The following TIGD3 variants were observed in gnomAD, a reference collection of about 807,000 sequenced individuals.
The protein encoded by TIGD3 is tigger transposable element-derived protein 3.
Under a neutral mutation model 14.8 loss-of-function variants are expected in TIGD3, and 7 were observed. That is an observed-to-expected ratio of 0.47 (90% confidence interval 0.27 to 0.89). The LOEUF is 0.89. Among genes scored for constraint, TIGD3 ranks in the 40% least tolerant of loss-of-function variants. TIGD3 has a pLI of 0.13. For missense variants in TIGD3, 581 were observed against 611.0 expected, an observed-to-expected ratio of 0.95 and a Z score of 0.52; for synonymous variants, 243 against 269.4, an observed-to-expected ratio of 0.90 and a Z score of 0.96.
At position 65,356,679 on chromosome 11, in the gene TIGD3, A is replaced by G. The variant is rs1854859756; in HGVS notation, c.871A>G (p.Ser291Gly). 6.2e-7 allele frequency: 1 copy of G among 1,613,314 alleles called. No individual in the cohort carries two copies. ...HVKLLPLAAS[S>G]TTPPLPSSVV... is the part of the protein sequence containing the mutation. ...GAAGCTCTTGCCTCTGGCCGCCTCT[A>G]GCACCACGCCTCCCCTGCCCAGCTC... Residue 291 changes from serine to glycine, a missense_variant, in exon 2 of 2, where the codon AGC becomes GGC. By Grantham distance (56) the Ser-to-Gly change is moderately conservative (BLOSUM62 0). Transcript: ENST00000309880. This position sits in a 1 kb window ranked among gnomAD's most constrained non-coding sequence, Gnocchi z 5.2.
At chr11:65,355,687 G>C (rs1164700880) in intron 1 of TIGD3, 106 bp from the exon 2 acceptor site, 10 of 957,634 alleles carry the variant, frequency 1.0e-5, no homozygotes, top group Non-Finnish European at 1.5e-5. Context: ...AGTCTCACCC[G>C]GTGCCTGCGC....
chr11:65,357,271 T>TG lies in TIGD3; in HGVS notation c.*49dup. The TG allele has an allele frequency of 1.3e-6, 2 of 1,561,812 alleles. No homozygotes were observed. Among genetic ancestry groups the TG allele is most frequent in the Non-Finnish European group, 1.8e-6 (2 of 1,140,240 alleles). On this transcript the variant is annotated 3_prime_UTR_variant, in exon 2 of 2. Transcript: ENST00000309880. The stretch of plus-strand genomic sequence containing the variant: ...GAGCCCCTTCCTCTCTTGTTTCCCA[T>TG]GGAAACGGCCTCTTCAGAAGGCAGA...
Position 65,356,815 on chromosome 11 carries a change from C to T in TIGD3, c.1007C>T (p.Thr336Ile). 6.2e-7 allele frequency: 1 copy of T among 1,613,030 alleles called. No homozygotes were observed. The highest frequency in any genetic ancestry group is 1.7e-5 in the Admixed American group (1 of 60,028). The change falls in exon 2 of 2, where the codon ACC becomes ATC. Residue 336 changes from threonine (T) to isoleucine (I), a missense_variant. Coordinates refer to ENST00000309880, the MANE Select transcript of TIGD3 (RefSeq NM_145719.3). The surrounding 1 kb of genome is among the most constrained non-coding windows in gnomAD (Gnocchi z 5.2). ...TSLAEAGAGI[T>I]VLDALHVASA... ...CTGGCCGAGGCCGGGGCAGGCATCA[C>T]CGTGCTGGACGCCCTGCACGTGGCG...
Position 65,357,232 on chromosome 11 carries a change from T to G in TIGD3, c.*8T>G. The stretch of plus-strand genomic sequence containing the variant: ...CGGCTTTGCTGCCTATGAAGGCGCC[T>G]TCACTGCTTGCCAGAGCCCCTTCCT... On this transcript the variant is annotated 3_prime_UTR_variant, in exon 2 of 2. Coordinates refer to ENST00000309880, the MANE Select transcript of TIGD3 (RefSeq NM_145719.3). 6.2e-7 allele frequency: 1 copy of G among 1,613,102 alleles called. No homozygotes were observed. Among genetic ancestry groups the G allele is most frequent in the Non-Finnish European group, 8.5e-7 (1 of 1,179,454 alleles).
At position 65,356,437 on chromosome 11, in the gene TIGD3, G is replaced by A. The variant is rs933224952; in HGVS notation, c.629G>A (p.Arg210Gln). 1 of 1,609,078 alleles carries A rather than the reference G, an allele frequency of 6.2e-7. No individual in the cohort carries two copies. The highest frequency in any genetic ancestry group is 1.6e-4 in the Middle Eastern group (1 of 6,062). Reference protein sequence around the residue: ...CANSRGTEKRRVLLGGLQAAP... With the variant: ...CANSRGTEKRQVLLGGLQAAP... ...AACAGCAGGGGCACCGAGAAGCGGC[G>A]GGTACTGCTGGGTGGGCTCCAGGCT... Residue 210 changes from arginine to glutamine, a missense_variant, in exon 2 of 2, where the codon CGG becomes CAG. Coordinates refer to ENST00000309880, the MANE Select transcript of TIGD3 (RefSeq NM_145719.3). The surrounding 1 kb of genome is among the most constrained non-coding windows in gnomAD (Gnocchi z 5.2).
In TIGD3 at chr11:65,356,694, C is replaced by T. The variant is rs765616000; in HGVS notation, c.886C>T (p.Leu296=). The T allele has an allele frequency of 3.1e-6, 5 of 1,613,400 alleles. No individual in the cohort carries two copies. Among genetic ancestry groups the T allele is most frequent in the African/African-American group, 1.3e-5 (1 of 75,090 alleles). Reference sequence around the variant, plus strand: ...GGCCGCCTCTAGCACCACGCCTCCCCTGCCCAGCTCAGTGGTCCGGGCCTT... The same window carrying T: ...GGCCGCCTCTAGCACCACGCCTCCCTTGCCCAGCTCAGTGGTCCGGGCCTT... The part of the protein sequence containing the change: ...PLAASSTTPP[L]PSSVVRAFKA... Residue 296 remains leucine, a synonymous_variant, in exon 2 of 2, where the codon CTG becomes TTG. Transcript: ENST00000309880. The surrounding 1 kb of genome is among the most constrained non-coding windows in gnomAD (Gnocchi z 5.2).
rs1036062198 is a variant in TIGD3, at chr11:65,356,381, A to C, written c.573A>C (p.Ala191=). 2 of 1,611,162 alleles carry C rather than the reference A, an allele frequency of 1.2e-6. No homozygotes were observed. Among genetic ancestry groups the C allele is most frequent in the Non-Finnish European group, 1.7e-6 (2 of 1,180,016 alleles). ...LYRAVPGSFG[A]CDQVQVLLCA... ...GGGCAGTGCCCGGCAGCTTTGGTGC[A>C]TGTGATCAAGTACAGGTGCTGCTGT... The change falls in exon 2 of 2, where the codon GCA becomes GCC. Residue 191 remains alanine (A), a synonymous_variant. Transcript: ENST00000309880. This position sits in a 1 kb window ranked among gnomAD's most constrained non-coding sequence, Gnocchi z 5.2.
At chr11:65,355,549 G>A (rs1023899331) in intron 1 of TIGD3, among the ~76,000 whole-genome samples, 1 of 151,282 alleles carries the variant, frequency 6.6e-6, no homozygotes, top group Non-Finnish European at 1.5e-5. Context: ...AGTGAGGCCA[G>A]ACCCCAGCCC....
Position 65,357,090 on chromosome 11 carries a change from C to T in TIGD3, c.1282C>T (p.Leu428=). ...GGACAGAGAGGGTGCCTTTGAGCCC[C>T]TGCCCACCAAAGCTGATGCCCTCCG... ...KGDREGAFEP[L]PTKADALRAL... is the part of the protein sequence containing the mutation. The change falls in exon 2 of 2, where the codon CTG becomes TTG. Residue 428 remains leucine, a synonymous_variant. Coordinates refer to ENST00000309880, the MANE Select transcript of TIGD3 (RefSeq NM_145719.3). 1.2e-6 allele frequency: 2 copies of T among 1,613,860 alleles called. No individual in the cohort carries two copies. Among genetic ancestry groups the T allele is most frequent in the Non-Finnish European group, 1.7e-6 (2 of 1,179,834 alleles).
In TIGD3 at chr11:65,357,348, G is replaced by A; in HGVS notation, c.*124G>A. 1.1e-6 allele frequency: 1 copy of A among 947,208 alleles called. No individual in the cohort carries two copies. The highest frequency in any genetic ancestry group is 1.6e-6 in the Non-Finnish European group (1 of 637,414). The allele number at this position is 947,208 out of a possible 1,614,324, so 58.7% of individuals were successfully genotyped here. ...AGAACTGTCGTAAAGGTGTAGAAGG[G>A]AGAGAAGTTGGGACACCAAGTCTGA... On this transcript the variant is annotated 3_prime_UTR_variant, in exon 2 of 2. Coordinates refer to ENST00000309880, the MANE Select transcript of TIGD3 (RefSeq NM_145719.3).
In TIGD3 at chr11:65,356,312, TC is replaced by T; in HGVS notation, c.506del (p.Pro169GlnfsTer76). Reference protein sequence around the residue: ...QLPLSLKDFSPEDVFGCAELP... With the variant: ...QLPLSLKDFSXEDVFGCAELP... ...TGCCTCTTTCCCTAAAAGACTTCTC[TC>T]CAGAGGACGTGTTTGGCTGTGCTGA... On this transcript the variant is annotated frameshift_variant, in exon 2 of 2. Transcript: ENST00000309880. LOFTEE classifies it high-confidence loss of function. The surrounding 1 kb of genome is among the most constrained non-coding windows in gnomAD (Gnocchi z 5.2). The T allele has an allele frequency of 6.2e-7, 1 of 1,612,672 alleles. No homozygotes were observed. Among genetic ancestry groups the T allele is most frequent in the Non-Finnish European group, 8.5e-7 (1 of 1,180,020 alleles).
At position 65,356,932 on chromosome 11, in the gene TIGD3, A is replaced by C. The variant is rs2137726678; in HGVS notation, c.1124A>C (p.His375Pro). The change falls in exon 2 of 2, where the codon CAC (histidine) becomes CCC (proline). Residue 375 changes from histidine to proline, a missense_variant. By Grantham distance (77) the His-to-Pro change is moderately conservative. Transcript: ENST00000309880. This position sits in a 1 kb window ranked among gnomAD's most constrained non-coding sequence, Gnocchi z 5.2. ...LAPGKTPPSS[H>P]KTSEMPPVPG... ...CCCGGCAAAACGCCCCCGTCCTCGCACAAAACCTCTGAGATGCCACCAGTC... is the reference window on the plus strand; with the variant it reads ...CCCGGCAAAACGCCCCCGTCCTCGCCCAAAACCTCTGAGATGCCACCAGTC... The C allele has an allele frequency of 1.9e-6, 3 of 1,613,980 alleles. No individual in the cohort carries two copies. In the East Asian group the frequency reaches 6.7e-5, roughly 36 times the overall value.
Position 65,355,836 on chromosome 11 carries a change from C to T in TIGD3, c.28C>T (p.His10Tyr). 6.2e-7 allele frequency: 1 copy of T among 1,613,342 alleles called. No homozygotes were observed. The highest frequency in any genetic ancestry group is 8.5e-7 in the Non-Finnish European group (1 of 1,179,744). Residue 10 changes from histidine (H) to tyrosine (Y), a missense_variant, in exon 2 of 2, where the codon CAC becomes TAC. Transcript: ENST00000309880. MELSSKKKL[H>Y]ALSLAEKIQV... The stretch of plus-strand genomic sequence containing the variant: ...GGAGCTGAGCAGCAAGAAGAAGCTT[C>T]ACGCCCTGTCCCTGGCCGAGAAGAT...
In TIGD3 at chr11:65,356,795, C is replaced by T. The variant is rs201902890; in HGVS notation, c.987C>T (p.Ala329=). 3.7e-6 allele frequency: 6 copies of T among 1,612,808 alleles called. No homozygotes were observed. The highest frequency in any genetic ancestry group is 3.3e-5 in the South Asian group (3 of 91,056). Residue 329 remains alanine, a synonymous_variant, in exon 2 of 2, where the codon GCC becomes GCT. Transcript: ENST00000309880. The surrounding 1 kb of genome is among the most constrained non-coding windows in gnomAD (Gnocchi z 5.2). ...GCGAGAGGGATGGCACCTCGCTGGC[C>T]GAGGCCGGGGCAGGCATCACCGTGC... ...IQSERDGTSL[A]EAGAGITVLD... is the part of the protein sequence containing the mutation.
intron 1 of TIGD3, 112 bp from the exon 2 acceptor site, chr11:65,355,681 T>C: frequency 1.1e-6 from 1 of 917,622 alleles, no homozygotes; most frequent in East Asian, 2.6e-5. Context: ...GGGTCCAGTC[T>C]CACCCGGTGC....
At chr11:65,355,590 G>T (rs1467550109) in intron 1 of TIGD3, among the ~76,000 whole-genome samples, 6 of 151,886 alleles carry the variant, frequency 4.0e-5, no homozygotes, top group Admixed American at 3.9e-4. Flanking sequence ...GTGGAGAGAC[G>T]CCCCCTCCCC....
chr11:65,357,362 C>T lies in TIGD3; in HGVS notation c.*138C>T. On this transcript the variant is annotated 3_prime_UTR_variant, in exon 2 of 2. Transcript: ENST00000309880. Reference sequence around the variant, plus strand: ...GGTGTAGAAGGGAGAGAAGTTGGGACACCAAGTCTGAGCTTGGAGTGGCAG... The same window carrying T: ...GGTGTAGAAGGGAGAGAAGTTGGGATACCAAGTCTGAGCTTGGAGTGGCAG... 1.2e-6 allele frequency: 1 copy of T among 831,664 alleles called. No individual in the cohort carries two copies. The highest frequency in any genetic ancestry group is 1.9e-6 in the Non-Finnish European group (1 of 534,484). The allele number at this position is 831,664 out of a possible 1,614,324, so 51.5% of individuals were successfully genotyped here.
Position 65,356,428 on chromosome 11 carries a change from A to G in TIGD3, c.620A>G (p.Glu207Gly), listed in dbSNP as rs2137725800. The change falls in exon 2 of 2, where the codon GAG (glutamate) becomes GGG (glycine). Residue 207 changes from glutamate to glycine, a missense_variant. Glu to Gly is a moderately conservative substitution (Grantham distance 98, BLOSUM62 -2). Coordinates refer to ENST00000309880, the MANE Select transcript of TIGD3 (RefSeq NM_145719.3). This position sits in a 1 kb window ranked among gnomAD's most constrained non-coding sequence, Gnocchi z 5.2. ...CTGTGTGCCAACAGCAGGGGCACCG[A>G]GAAGCGGCGGGTACTGCTGGGTGGG... ...VLLCANSRGT[E>G]KRRVLLGGLQ... The G allele has an allele frequency of 1.2e-6, 2 of 1,609,808 alleles. No individual in the cohort carries two copies. The highest frequency in any genetic ancestry group is 4.5e-5 in the East Asian group (2 of 44,878).
In TIGD3 at chr11:65,356,183, C is replaced by T. The variant is rs897785202; in HGVS notation, c.375C>T (p.Val125=). Residue 125 remains valine, a synonymous_variant, in exon 2 of 2, where the codon GTC becomes GTT. Transcript: ENST00000309880. This position sits in a 1 kb window ranked among gnomAD's most constrained non-coding sequence, Gnocchi z 5.2. ...QDFVPSIGWL[V]RWKRRNNVGF... is the part of the protein sequence containing the mutation. ...TCGTGCCCAGCATCGGCTGGCTGGT[C>T]CGCTGGAAACGCCGAAACAACGTCG... 2.5e-6 allele frequency: 4 copies of T among 1,611,842 alleles called. No individual in the cohort carries two copies. In the African/African-American group the frequency reaches 5.3e-5, roughly 22 times the overall value.
Sources: allele counts gnomAD v4.1 joint callset (sites outside exome capture counted in the v4.1 genomes callset), GRCh38; gene constraint gnomAD v4.1.1; non-coding constraint Gnocchi (gnomAD v3.1); transcripts MANE v1.5; gene names NCBI Gene and HGNC (gene_info 2026-07-23, HGNC 2026-07-21).